The following HCRTR2 variants were observed in gnomAD, a reference collection of about 807,000 sequenced individuals.
The protein encoded by HCRTR2 is hypocretin receptor 2.
In HCRTR2, 22 loss-of-function variants were observed where a neutral mutation model predicts 49.0. The observed-to-expected ratio is 0.45, with a 90% CI of 0.32 to 0.64. The LOEUF is 0.64. Among genes scored for constraint, HCRTR2 ranks in the 30% least tolerant of loss-of-function variants. The pLI, the probability that HCRTR2 is intolerant of heterozygous loss-of-function variation, is 0.04. For missense variants in HCRTR2, 491 were observed against 559.4 expected (o/e 0.88, Z 1.23); for synonymous variants, 236 against 205.3 (o/e 1.15, Z -1.28).
At chr6:55,269,199 C>G (rs1221120069) in intron 4 of HCRTR2, among the ~76,000 whole-genome samples, 4 of 151,526 alleles carry the variant, frequency 2.6e-5, no homozygotes, top group Admixed American at 2.6e-4. Context: ...TTTTAGAACA[C>G]TCCACCAAAA....
At chr6:55,144,309 T>A (rs1392973228) in intron 1 of HCRTR2, among the ~76,000 whole-genome samples, 3 of 151,522 alleles carry the variant, frequency 2.0e-5, no homozygotes, top group African/African-American at 7.3e-5. Flanking sequence ...AGGGACGGGG[T>A]TTCTCCACAT....
chr6:55,194,645 G>C (rs1765378695), intron 1 of HCRTR2, among the ~76,000 whole-genome samples: 1 of 151,982 alleles, frequency 6.6e-6, no homozygotes, highest in Admixed American at 6.6e-5. Context: ...TAAACATGAT[G>C]AAAAAAGTTA....
At chr6:55,227,910 T>C (rs900415580) in intron 1 of HCRTR2, among the ~76,000 whole-genome samples, 1 of 152,188 alleles carries the variant, frequency 6.6e-6, no homozygotes, top group Non-Finnish European at 1.5e-5. Flanking sequence ...TAACAGTGAT[T>C]ATTTTTCCTA....
At chr6:55,124,959 T>C (rs1764252838) in intron 1 of HCRTR2, among the ~76,000 whole-genome samples, 2 of 151,518 alleles carry the variant, frequency 1.3e-5, no homozygotes, top group Admixed American at 1.3e-4. Flanking sequence ...ACTTTCCATG[T>C]GCTTGGTAAA....
At chr6:55,240,028 C>T (rs558652929) in intron 1 of HCRTR2, among the ~76,000 whole-genome samples, 1 of 151,932 alleles carries the variant, frequency 6.6e-6, no homozygotes, top group Non-Finnish European at 1.5e-5. Flanking sequence ...CCCCCCGCCT[C>T]GTTCTCCCAA....
At chr6:55,244,050 T>A (rs1251413092) in intron 1 of HCRTR2, among the ~76,000 whole-genome samples, 1 of 152,106 alleles carries the variant, frequency 6.6e-6, no homozygotes, top group African/African-American at 2.4e-5. Flanking sequence ...TGAGTGATGG[T>A]CTGGGCACGG....
chr6:55,108,575 C>A (rs907692580), intron 1 of HCRTR2, among the ~76,000 whole-genome samples: 1 of 151,448 alleles, frequency 6.6e-6, no homozygotes, highest in African/African-American at 2.4e-5. Context: ...TTTAACCTTA[C>A]CTAGAGCTGA....
chr6:55,174,238 G>A (rs200024843), upstream of HCRTR2: 2 of 267,332 alleles, frequency 7.5e-6, no homozygotes, highest in Non-Finnish European at 1.5e-5. Context: ...CGAGGGAGGA[G>A]GCTGTGGGCT....
chr6:55,277,665 T>TC (rs1180414943), intron 5 of HCRTR2, 65 bp downstream of exon 5: 1 of 1,237,858 alleles, frequency 8.1e-7, no homozygotes, highest in East Asian at 2.5e-5. Flanking sequence ...ATTAACTTTT[T>TC]TTTTTTTTTT....
chr6:55,212,969 C>T (rs1387052971), intron 1 of HCRTR2, among the ~76,000 whole-genome samples: 2 of 152,036 alleles, frequency 1.3e-5, no homozygotes, highest in Non-Finnish European at 2.9e-5. Context: ...TTCCAATGCT[C>T]TTTCATTGGT....
At chr6:55,188,108 T>C (rs1178808118) in intron 1 of HCRTR2, among the ~76,000 whole-genome samples, 1 of 152,152 alleles carries the variant, frequency 6.6e-6, no homozygotes, top group East Asian at 1.9e-4. Context: ...GTTCCCCACT[T>C]CCATTCCTCC....
intron 4 of HCRTR2, among the ~76,000 whole-genome samples, chr6:55,272,184 A>G (rs1369960622): frequency 1.3e-5 from 2 of 152,188 alleles, no homozygotes; most frequent in Non-Finnish European, 2.9e-5. Flanking sequence ...AGCTACTAAA[A>G]GAAATGAAGC....
chr6:55,254,447 A>G (rs1346328534), intron 2 of HCRTR2, among the ~76,000 whole-genome samples: 3 of 152,136 alleles, frequency 2.0e-5, no homozygotes, highest in Non-Finnish European at 4.4e-5. Flanking sequence ...ATTGTTAATT[A>G]TATACAAATT....
chr6:55,248,958 A>G (rs1428088037), intron 2 of HCRTR2, 141 bp downstream of exon 2: 1 of 732,082 alleles, frequency 1.4e-6, no homozygotes, highest in Non-Finnish European at 2.3e-6. Flanking sequence ...ATACTTGAGA[A>G]TTTCTGGAGA....
At chr6:55,256,691 G>A (rs1237113443) in intron 3 of HCRTR2, among the ~76,000 whole-genome samples, 2 of 136,242 alleles carry the variant, frequency 1.5e-5, no homozygotes, top group East Asian at 4.0e-4. Context: ...AATTAATAGT[G>A]CAGACAAAAA....
chr6:55,271,718 A>G lies in HCRTR2; in HGVS notation c.763-5662A>G, dbSNP rs111424748. Among the ~76,000 whole-genome samples, 980 of 152,274 alleles carry G rather than the reference A, an allele frequency of 6.4e-3. 8 individuals carry two copies. The highest frequency in any genetic ancestry group is 0.022 in the African/African-American group (903 of 41,574). On this transcript the variant is annotated intron_variant, in intron 4 of 6. Coordinates refer to ENST00000370862, the MANE Select transcript of HCRTR2 (RefSeq NM_001384272.1). ...AAATTACAAGTAGGCAAAGACTTGA[A>G]TAAACAATTCTGCAAAGAAGATATA...
intron 1 of HCRTR2, among the ~76,000 whole-genome samples, chr6:55,189,867 GTAA>G (rs2127277752): frequency 6.6e-6 from 1 of 152,208 alleles, no homozygotes; most frequent in East Asian, 1.9e-4. Context: ...TGGGAAATAT[GTAA>G]TATATATCAA....
At chr6:55,122,449 G>A (rs1463038258) in intron 1 of HCRTR2, among the ~76,000 whole-genome samples, 2 of 151,916 alleles carry the variant, frequency 1.3e-5, no homozygotes, top group Non-Finnish European at 2.9e-5. Context: ...AGGGTTTTTT[G>A]TGTCTCTATC....
intron 1 of HCRTR2, among the ~76,000 whole-genome samples, chr6:55,200,185 TC>T (rs944407039): frequency 5.9e-5 from 9 of 152,010 alleles, no homozygotes; most frequent in Admixed American, 5.2e-4. Context: ...CCTTAAAATG[TC>T]GTTTTTTTTT....
Sources: gnomAD v4.1 joint callset for allele counts (sites outside exome capture counted in the v4.1 genomes callset) on GRCh38, gnomAD v4.1.1 for gene constraint, MANE v1.5 for transcripts, NCBI Gene and HGNC (gene_info 2026-07-23, HGNC 2026-07-21) for gene names.